The following NRCAM variants were observed in gnomAD, a reference collection of about 807,000 sequenced individuals.
NRCAM encodes the protein neuronal cell adhesion molecule.
In NRCAM, 83 loss-of-function variants were observed where a neutral mutation model predicts 156.5. The ratio of observed to expected loss-of-function variants is 0.53; its 90% confidence interval spans 0.44 to 0.64. The LOEUF (loss-of-function observed/expected upper bound fraction) is 0.64, where lower values mean the gene tolerates loss of function less well. Ranked by LOEUF, NRCAM falls within the 30% of genes least tolerant of loss-of-function variation. The probability of loss-of-function intolerance (pLI) is 0.00; values close to 1 mark genes in which losing one functional copy is unlikely to be tolerated. For missense variants in NRCAM, 1,417 were observed against 1,597.3 expected (o/e 0.89, Z 1.92); for synonymous variants, 538 against 563.9 (o/e 0.95, Z 0.65).
At chr7:108,331,987 G>A (rs948099856) in intron 2 of NRCAM, among the ~76,000 whole-genome samples, 2 of 152,152 alleles carry the variant, frequency 1.3e-5, no homozygotes, top group Non-Finnish European at 2.9e-5. Context: ...TAAACTAAGT[G>A]GGAAAAATGA....
intron 1 of NRCAM, among the ~76,000 whole-genome samples, chr7:108,436,090 C>T (rs1446044199): frequency 1.3e-5 from 2 of 152,160 alleles, no homozygotes; most frequent in Admixed American, 6.5e-5. Context: ...GCCGAGATGG[C>T]GCCACTGCAC....
intron 12 of NRCAM, among the ~76,000 whole-genome samples, chr7:108,208,003 T>A (rs2082045572): frequency 6.6e-6 from 1 of 152,016 alleles, no homozygotes; most frequent in South Asian, 2.1e-4. Context: ...AACACAAATT[T>A]AAATTCTGGA....
intron 2 of NRCAM, among the ~76,000 whole-genome samples, chr7:108,352,407 G>A (rs995289254): frequency 6.6e-6 from 1 of 152,154 alleles, no homozygotes; most frequent in African/African-American, 2.4e-5. Context: ...TTAAGTCAAA[G>A]AACATTTTCC....
At chr7:108,302,169 A>C (rs986463495) in intron 3 of NRCAM, among the ~76,000 whole-genome samples, 2 of 152,074 alleles carry the variant, frequency 1.3e-5, no homozygotes, top group Non-Finnish European at 2.9e-5. Flanking sequence ...TTATTGCTTC[A>C]AAAAATGTTT....
chr7:108,305,509 T>C (rs1266454536), intron 3 of NRCAM, among the ~76,000 whole-genome samples: 1 of 152,172 alleles, frequency 6.6e-6, no homozygotes, highest in Non-Finnish European at 1.5e-5. Context: ...CAAAAGTAAA[T>C]AAATAGAAAT....
At chr7:108,209,759 A>G (rs1375291748) in intron 11 of NRCAM, among the ~76,000 whole-genome samples, 154 bp from the exon 12 acceptor site, 1 of 152,260 alleles carries the variant, frequency 6.6e-6, no homozygotes, top group Non-Finnish European at 1.5e-5. Flanking sequence ...TTTATAAATA[A>G]TGCTCACAGT....
At chr7:108,306,617 A>G (rs1284851278) in intron 3 of NRCAM, among the ~76,000 whole-genome samples, 1 of 152,042 alleles carries the variant, frequency 6.6e-6, no homozygotes, top group Non-Finnish European at 1.5e-5. Flanking sequence ...AATTACAAAA[A>G]CCTCCCACTT....
At chr7:108,443,899 C>G (rs61591329) in intron 1 of NRCAM, among the ~76,000 whole-genome samples, 89,690 of 149,764 alleles carry the variant, frequency 0.6, 27,093 homozygotes, top group African/African-American at 0.72. Flanking sequence ...TAGATACATA[C>G]ATACATACAT....
At chr7:108,257,296 A>G (rs2096721848) in intron 3 of NRCAM, among the ~76,000 whole-genome samples, 1 of 152,194 alleles carries the variant, frequency 6.6e-6, no homozygotes, top group Admixed American at 6.5e-5. Context: ...AAAATGCACT[A>G]AAACTCACCA....
At chr7:108,238,367 G>A (rs1169932545) in intron 4 of NRCAM, among the ~76,000 whole-genome samples, 1 of 152,138 alleles carries the variant, frequency 6.6e-6, no homozygotes, top group East Asian at 1.9e-4. Context: ...GGTTGCTGGT[G>A]CCCACACCAA....
chr7:108,237,618 C>G (rs1363638286), intron 5 of NRCAM, 134 bp downstream of exon 5: 48 of 541,064 alleles, frequency 8.9e-5, no homozygotes. Flanking sequence ...TGTTTAGCTA[C>G]AGTAAACACA....
At chr7:108,195,735 G>T in intron 15 of NRCAM, 26 bp downstream of exon 15, 1 of 1,306,778 alleles carries the variant, frequency 7.7e-7, no homozygotes, top group Non-Finnish European at 1.1e-6. Context: ...TTTAAGTATT[G>T]AAAAACACAC....
chr7:108,348,451 G>A (rs1317067550), intron 2 of NRCAM, among the ~76,000 whole-genome samples: 1 of 152,192 alleles, frequency 6.6e-6, no homozygotes, highest in Admixed American at 6.5e-5. Flanking sequence ...GGGAACAGGA[G>A]CTTCAGAAAG....
chr7:108,352,703 C>T (rs1295479659), intron 2 of NRCAM, among the ~76,000 whole-genome samples: 1 of 152,138 alleles, frequency 6.6e-6, no homozygotes, highest in Non-Finnish European at 1.5e-5. Context: ...TGAAAATCAA[C>T]TTTCATTCCC....
chr7:108,195,030 C>T (rs2074159985), intron 15 of NRCAM, among the ~76,000 whole-genome samples: 1 of 151,914 alleles, frequency 6.6e-6, no homozygotes, highest in African/African-American at 2.4e-5. Context: ...AACAAGTACT[C>T]AAGAGAAACA....
At chr7:108,312,791 G>C (rs1218847574) in intron 2 of NRCAM, 60 bp from the exon 3 acceptor site, 1 of 152,164 alleles carries the variant, frequency 6.6e-6, no homozygotes, top group Non-Finnish European at 1.5e-5. Context: ...AATCACAGCA[G>C]AGTGTCAATA....
intron 3 of NRCAM, among the ~76,000 whole-genome samples, chr7:108,278,887 C>T (rs142560600): frequency 3.3e-4 from 51 of 152,324 alleles, no homozygotes; most frequent in African/African-American, 1.2e-3. Context: ...TCCTATTCGG[C>T]CATCTTGGAA....
chr7:108,307,073 T>C (rs888725859), intron 3 of NRCAM, among the ~76,000 whole-genome samples: 5 of 152,200 alleles, frequency 3.3e-5, no homozygotes, highest in African/African-American at 4.8e-5. Context: ...TAGATTATAA[T>C]GTAGACACTT....
chr7:108,208,704 G>A (rs553486222), intron 12 of NRCAM, among the ~76,000 whole-genome samples: 2 of 152,136 alleles, frequency 1.3e-5, no homozygotes, highest in East Asian at 1.9e-4. Context: ...CAGTTATTTC[G>A]TAGACTGTCT....
Sources: gnomAD v4.1 joint callset for allele counts (sites outside exome capture counted in the v4.1 genomes callset) on GRCh38, gnomAD v4.1.1 for gene constraint, MANE v1.5 for transcripts, NCBI Gene and HGNC (gene_info 2026-07-23, HGNC 2026-07-21) for gene names.